SLC38A6: variants seen among roughly 807,000 people sequenced by gnomAD.
SLC38A6 encodes the protein solute carrier family 38 member 6.
SLC38A6 carries 73 observed loss-of-function variants against 65.0 expected under a neutral mutation model. The ratio of observed to expected loss-of-function variants is 1.12; its 90% CI spans 0.93 to 1.37. SLC38A6 has a LOEUF of 1.37. SLC38A6 is among the 40% of genes most tolerant of loss of function. The pLI, the probability that SLC38A6 is intolerant of heterozygous loss-of-function variation, is 0.00. For synonymous variants in SLC38A6, 183 were observed against 178.8 expected (o/e 1.02, Z -0.19); for missense variants, 561 against 531.1 (o/e 1.06, Z -0.55).
rs1228239560 is a variant in SLC38A6 at position 60,981,354 on chromosome 14, C to T, written c.77C>T (p.Ala26Val). Reference sequence around the variant, plus strand: ...GTCCAGCAGCCTGAAGAAGCGGAGGCCGAAGAGTTGAGTCCGTTGCTAAGC... The same window carrying T: ...GTCCAGCAGCCTGAAGAAGCGGAGGTCGAAGAGTTGAGTCCGTTGCTAAGC... ...VSVQQPEEAE[A>V]EELSPLLSNE... Residue 26 changes from alanine to valine, a missense_variant, in exon 1 of 16, where the codon GCC (alanine) becomes GTC (valine). Ala to Val is a moderately conservative substitution (Grantham distance 64, BLOSUM62 0). Transcript: ENST00000267488. The T allele has an allele frequency of 1.9e-6, 3 of 1,608,572 alleles. No individual in the cohort carries two copies. In the Admixed American group the frequency reaches 5.1e-5, roughly 27 times the overall value.
rs1022410776 is a variant in SLC38A6 at position 61,009,392 on chromosome 14, TA to T, written c.311-6511del. ...CTTAGGAAAAAGGGGAAATAACTTT[TA>T]TTTTAAATTATACTTTAAGTTCTAG... On this transcript the variant is annotated intron_variant, in intron 3 of 15. Coordinates refer to ENST00000267488, the MANE Select transcript of SLC38A6 (RefSeq NM_153811.3). Among the ~76,000 whole-genome samples, 16 of 152,174 alleles carry T rather than the reference TA, an allele frequency of 1.1e-4. No individual in the cohort carries two copies. In the East Asian group the frequency reaches 2.3e-3, roughly 22 times the overall value.
intron 16 of SLC38A6, among the ~76,000 whole-genome samples, chr14:61,080,186 T>C (rs1249104514): frequency 1.3e-5 from 2 of 152,348 alleles, no homozygotes; most frequent in Non-Finnish European, 2.9e-5. Context: ...AACTTGCTTT[T>C]ACTCTTCTTC....
intron 12 of SLC38A6, among the ~76,000 whole-genome samples, chr14:61,047,555 T>A (rs902576722): frequency 1.3e-5 from 2 of 152,154 alleles, no homozygotes; most frequent in African/African-American, 4.8e-5. Context: ...TACTGTGTTG[T>A]CTACTCAGAA....
chr14:61,023,563 AAATAAT>A (rs139726383), intron 5 of SLC38A6, among the ~76,000 whole-genome samples: 26 of 141,514 alleles, frequency 1.8e-4, no homozygotes, highest in African/African-American at 6.3e-4. Flanking sequence ...ACTGTCTCAA[AAATAAT>A]AATAATAATA....
Position 61,052,378 on chromosome 14 carries a change from G to C in SLC38A6, c.1320G>C (p.Leu440Phe). ...GAFVLLIFGILVGNFSLALII... is the reference protein window; with the variant it reads ...GAFVLLIFGIFVGNFSLALII... ...TCGTTTTGCTCATCTTTGGAATTTT[G>C]GTTGGGAATTTTAGTTTAGCACTCA... The change falls in exon 16 of 16, where the codon TTG becomes TTC. Residue 440 changes from leucine to phenylalanine, a missense_variant. Coordinates refer to ENST00000267488, the MANE Select transcript of SLC38A6 (RefSeq NM_153811.3). 6.3e-7 allele frequency: 1 copy of C among 1,585,058 alleles called. No individual in the cohort carries two copies. Among genetic ancestry groups the C allele is most frequent in the Non-Finnish European group, 8.6e-7 (1 of 1,167,534 alleles).
chr14:60,981,401 C>T lies in SLC38A6; in HGVS notation c.105+19C>T. The T allele has an allele frequency of 6.4e-7, 1 of 1,569,628 alleles. No homozygotes were observed. The highest frequency in any genetic ancestry group is 8.6e-7 in the Non-Finnish European group (1 of 1,157,170). The stretch of plus-strand genomic sequence containing the variant: ...AAGCAACGTAAGTGGGCTGTGTTCG[C>T]TTCCCCGCGCTGACGCCCTCCGGCT... On this transcript the variant is annotated intron_variant, in intron 1 of 15. Coordinates refer to ENST00000267488, the MANE Select transcript of SLC38A6 (RefSeq NM_153811.3).
chr14:61,018,156 AATC>A (rs1186724259), intron 4 of SLC38A6, among the ~76,000 whole-genome samples: 4 of 152,222 alleles, frequency 2.6e-5, no homozygotes, highest in Admixed American at 1.3e-4. Context: ...ATGAAAGAAT[AATC>A]ATCAATAAGT....
intron 3 of SLC38A6, among the ~76,000 whole-genome samples, chr14:60,991,478 C>G (rs1362092955): frequency 6.6e-6 from 1 of 151,918 alleles, no homozygotes; most frequent in Non-Finnish European, 1.5e-5. Flanking sequence ...GTAACTTGTC[C>G]AAGAGAGGTG....
At chr14:61,064,854 A>G (rs184699853) in intron 15 of SLC38A6, among the ~76,000 whole-genome samples, 82 of 152,280 alleles carry the variant, frequency 5.4e-4, no homozygotes, top group Middle Eastern at 3.4e-3. Flanking sequence ...TGCCAAGACT[A>G]TAAATTACTT....
At chr14:61,008,037 C>A (rs141451162) in intron 3 of SLC38A6, among the ~76,000 whole-genome samples, 1 of 152,078 alleles carries the variant, frequency 6.6e-6, no homozygotes, top group East Asian at 1.9e-4. Context: ...ATTTTATGTT[C>A]TAAAATATGT....
intron 15 of SLC38A6, among the ~76,000 whole-genome samples, chr14:61,074,280 T>C (rs974602043): frequency 6.6e-6 from 1 of 152,242 alleles, no homozygotes; most frequent in Non-Finnish European, 1.5e-5. Context: ...AAAATTATTT[T>C]TTGTAAAAGT....
chr14:61,021,261 C>A (rs566100518), intron 5 of SLC38A6, among the ~76,000 whole-genome samples: 1 of 152,064 alleles, frequency 6.6e-6, no homozygotes, highest in Non-Finnish European at 1.5e-5. Flanking sequence ...CTTAAATATT[C>A]TAGATATATT....
chr14:61,023,254 A>G (rs933849986), intron 5 of SLC38A6, among the ~76,000 whole-genome samples: 2 of 152,186 alleles, frequency 1.3e-5, no homozygotes, highest in African/African-American at 2.4e-5. Flanking sequence ...GTTAGATCTC[A>G]TTTATGTAAA....
At chr14:60,983,956 C>G (rs1343864122) in intron 2 of SLC38A6, among the ~76,000 whole-genome samples, 2 of 151,768 alleles carry the variant, frequency 1.3e-5, no homozygotes, top group African/African-American at 4.8e-5. Flanking sequence ...TGTACTTTTA[C>G]CTCTCAATTT....
intron 3 of SLC38A6, among the ~76,000 whole-genome samples, chr14:61,001,715 C>T (rs1197687467): frequency 6.6e-6 from 1 of 152,168 alleles, no homozygotes; most frequent in East Asian, 1.9e-4. Flanking sequence ...ATTGACTCTT[C>T]ACTGCAGAAG....
At position 60,999,217 on chromosome 14, in the gene SLC38A6, T is replaced by C. The variant is rs553431652; in HGVS notation, c.310+14414T>C. On this transcript the variant is annotated intron_variant, in intron 3 of 15. Transcript: ENST00000267488. ...AGTAGATACTGGAATCCACTGTTGG[T>C]TGCTTCCAAAAAGAATTTTGGTCCT... 3.8e-4 allele frequency among the ~76,000 whole-genome samples: 58 copies of C among 152,310 alleles called. 1 individual carries two copies. The highest frequency in any genetic ancestry group is 1.3e-3 in the African/African-American group (55 of 41,574).
At chr14:61,028,775 T>A (rs2040759361) in intron 5 of SLC38A6, among the ~76,000 whole-genome samples, 2 of 152,204 alleles carry the variant, frequency 1.3e-5, no homozygotes, top group Admixed American at 1.3e-4. Flanking sequence ...ATTTAACTGT[T>A]CTAAATTTTA....
At chr14:61,012,151 A>G (rs2039626427) in intron 3 of SLC38A6, among the ~76,000 whole-genome samples, 1 of 151,934 alleles carries the variant, frequency 6.6e-6, no homozygotes, top group African/African-American at 2.4e-5. Flanking sequence ...TTTCTTCTAG[A>G]TTTTCTAGTT....
At chr14:61,043,300 A>G in intron 9 of SLC38A6, 88 bp downstream of exon 9, 1 of 1,091,708 alleles carries the variant, frequency 9.2e-7, no homozygotes, top group Non-Finnish European at 1.3e-6. Context: ...CTGATTGATG[A>G]AAAAGTAATG....
Sources: gnomAD v4.1 joint callset for allele counts (sites outside exome capture counted in the v4.1 genomes callset) on GRCh38, gnomAD v4.1.1 for gene constraint, MANE v1.5 for transcripts, NCBI Gene and HGNC (gene_info 2026-07-23, HGNC 2026-07-21) for gene names.